The following PTPDC1 variants were observed in gnomAD, a reference collection of about 807,000 sequenced individuals.
PTPDC1 encodes protein tyrosine phosphatase domain containing 1, also known as protein tyrosine phosphatase domain-containing protein 1.
PTPDC1 carries 53 observed loss-of-function variants against 75.3 expected under a neutral mutation model. The ratio of observed to expected loss-of-function variants is 0.70; its 90% confidence interval spans 0.56 to 0.88. The LOEUF is 0.88. Among genes scored for constraint, PTPDC1 ranks in the 40% least tolerant of loss-of-function variants. PTPDC1 has a pLI of 0.00. For synonymous variants in PTPDC1, 349 were observed against 366.2 expected (o/e 0.95, Z 0.54); for missense variants, 925 against 998.6 (o/e 0.93, Z 0.99).
intron 4 of PTPDC1, among the ~76,000 whole-genome samples, chr9:94,092,334 G>A (rs1314425584): frequency 1.7e-4 from 23 of 139,132 alleles, no homozygotes; most frequent in Non-Finnish European, 3.0e-4. Context: ...CCTTCATTTC[G>A]TTATGTACCC....
intron 2 of PTPDC1, among the ~76,000 whole-genome samples, chr9:94,069,667 C>A (rs1303476955): frequency 6.6e-6 from 1 of 151,448 alleles, no homozygotes; most frequent in Non-Finnish European, 1.5e-5. Context: ...ATTACAGGCA[C>A]CCGCCACTGC....
chr9:94,041,630 A>G (rs370057492), intron 1 of PTPDC1, among the ~76,000 whole-genome samples: 14 of 152,088 alleles, frequency 9.2e-5, no homozygotes, highest in Non-Finnish European at 8.8e-5. Flanking sequence ...ATACTGCATT[A>G]TTTATTTTGT....
intron 1 of PTPDC1, among the ~76,000 whole-genome samples, chr9:94,057,571 A>AAC (rs371877197): frequency 1.3e-5 from 2 of 151,768 alleles, no homozygotes; most frequent in Admixed American, 1.3e-4. Flanking sequence ...TTGTGGTAGG[A>AAC]ACACACACAC....
chr9:94,067,540 G>A (rs1770567288), intron 2 of PTPDC1, among the ~76,000 whole-genome samples: 1 of 151,946 alleles, frequency 6.6e-6, no homozygotes, highest in African/African-American at 2.4e-5. Flanking sequence ...AATTATACAT[G>A]TATATATTGT....
At chr9:94,044,652 G>A (rs1162263634) in intron 1 of PTPDC1, among the ~76,000 whole-genome samples, 8 of 152,004 alleles carry the variant, frequency 5.3e-5, no homozygotes, top group South Asian at 2.1e-4. Flanking sequence ...TGCATCCATG[G>A]ACAACCATGA....
chr9:94,094,502 A>G (rs1009842542), intron 4 of PTPDC1, among the ~76,000 whole-genome samples: 3 of 152,276 alleles, frequency 2.0e-5, no homozygotes, highest in African/African-American at 7.2e-5. Flanking sequence ...GGGACATTTA[A>G]GTATGCAAAA....
At chr9:94,094,783 G>A (rs74870685) in intron 4 of PTPDC1, among the ~76,000 whole-genome samples, 18 of 152,226 alleles carry the variant, frequency 1.2e-4, no homozygotes, top group Admixed American at 6.5e-4. Context: ...CTTGTGGTGC[G>A]CAGTTTTTTA....
chr9:94,084,902 A>T (rs544508949), intron 1 of PTPDC1, 128 bp downstream of exon 1: 1 of 674,652 alleles, frequency 1.5e-6, no homozygotes, highest in Non-Finnish European at 2.5e-6. Flanking sequence ...GCTGTCTGTT[A>T]TGCTATTTTA....
intron 4 of PTPDC1, among the ~76,000 whole-genome samples, chr9:94,095,074 G>C (rs1315729235): frequency 1.3e-5 from 2 of 152,226 alleles, no homozygotes; most frequent in African/African-American, 2.4e-5. Context: ...GACCGGAGCT[G>C]TTCCTATTCG....
At chr9:94,064,839 C>G in intron 2 of PTPDC1, 1 of 1,571,642 alleles carries the variant, frequency 6.4e-7, no homozygotes. Flanking sequence ...CTCTTTAATA[C>G]ACTTTTTGTC....
chr9:94,042,628 A>T (rs941101263), intron 1 of PTPDC1, among the ~76,000 whole-genome samples: 8 of 152,226 alleles, frequency 5.3e-5, no homozygotes, highest in South Asian at 4.1e-4. Context: ...CTCAGTGGTG[A>T]TGGCTGCTGA....
intron 6 of PTPDC1, chr9:94,101,005 A>C (rs1012216186): frequency 6.6e-6 from 1 of 152,256 alleles, no homozygotes; most frequent in Non-Finnish European, 1.5e-5. Flanking sequence ...GATGCTAAAA[A>C]GATATTTCAA....
At chr9:94,045,089 C>T (rs980601955) in intron 1 of PTPDC1, among the ~76,000 whole-genome samples, 12 of 144,734 alleles carry the variant, frequency 8.3e-5, no homozygotes, top group East Asian at 6.3e-4. Context: ...TGAGAACACG[C>T]GGTGTTTGGT....
chr9:94,045,813 T>C (rs1285765240), intron 1 of PTPDC1, among the ~76,000 whole-genome samples: 1 of 151,486 alleles, frequency 6.6e-6, no homozygotes, highest in Non-Finnish European at 1.5e-5. Context: ...ACTCTGATGG[T>C]AGTTTCTTTT....
intron 1 of PTPDC1, chr9:94,064,621 G>GC (rs1276435607): frequency 3.1e-6 from 2 of 652,622 alleles, no homozygotes; most frequent in East Asian, 5.6e-5. Flanking sequence ...TCAAGTATCT[G>GC]CCACTTGGCC....
intron 1 of PTPDC1, among the ~76,000 whole-genome samples, chr9:94,047,748 C>T (rs1410905985): frequency 2.0e-5 from 3 of 152,038 alleles, no homozygotes; most frequent in African/African-American, 7.2e-5. Context: ...CACCACTGAT[C>T]CCACAGAAAT....
chr9:94,074,841 G>A (rs1042066042), intron 2 of PTPDC1, among the ~76,000 whole-genome samples: 1 of 152,132 alleles, frequency 6.6e-6, no homozygotes, highest in Admixed American at 6.6e-5. Context: ...GTGGAGGTTT[G>A]TCTCCCCACT....
At chr9:94,055,212 T>C (rs1825896474) in intron 1 of PTPDC1, among the ~76,000 whole-genome samples, 1 of 152,252 alleles carries the variant, frequency 6.6e-6, no homozygotes, top group South Asian at 2.1e-4. Flanking sequence ...ATTCCAGTTC[T>C]AGTGCTTAAT....
At chr9:94,076,386 T>C (rs1370537109) in intron 2 of PTPDC1, among the ~76,000 whole-genome samples, 1 of 152,170 alleles carries the variant, frequency 6.6e-6, no homozygotes, top group Non-Finnish European at 1.5e-5. Flanking sequence ...CTACTTTCTG[T>C]CTCTATAGAT....
Sources: gnomAD v4.1 joint callset for allele counts (sites outside exome capture counted in the v4.1 genomes callset) on GRCh38, gnomAD v4.1.1 for gene constraint, MANE v1.5 for transcripts, NCBI Gene and HGNC (gene_info 2026-07-23, HGNC 2026-07-21) for gene names.